The following SLIT2 variants were observed in gnomAD, a reference collection of about 807,000 sequenced individuals.
SLIT2 encodes the protein slit guidance ligand 2.
Under a neutral mutation model 185.7 loss-of-function variants are expected in SLIT2, and 41 were observed. That is an observed-to-expected ratio of 0.22 (90% CI 0.17 to 0.29). The LOEUF (loss-of-function observed/expected upper bound fraction) is 0.29. SLIT2 is among the 10% of genes least tolerant of loss of function. The pLI is 1.00. For synonymous variants in SLIT2, 693 were observed against 680.2 expected, an observed-to-expected ratio of 1.02 and a Z score of -0.29; for missense variants, 1,571 against 1,909.0, an observed-to-expected ratio of 0.82 and a Z score of 3.30.
At chr4:20,517,177 T>C (rs1720287896) in intron 11 of SLIT2, among the ~76,000 whole-genome samples, 1 of 152,186 alleles carries the variant, frequency 6.6e-6, no homozygotes, top group African/African-American at 2.4e-5. Flanking sequence ...TCTTTGACTA[T>C]TCAAAATTAC....
At chr4:20,540,081 C>A in intron 19 of SLIT2, among the ~76,000 whole-genome samples, 1 of 151,604 alleles carries the variant, frequency 6.6e-6, no homozygotes, top group Non-Finnish European at 1.5e-5. Context: ...GTCAGGCGTT[C>A]GAGACCAGCC....
chr4:20,458,535 C>A (rs1193287921), intron 4 of SLIT2, among the ~76,000 whole-genome samples: 1 of 152,122 alleles, frequency 6.6e-6, no homozygotes, highest in African/African-American at 2.4e-5. Flanking sequence ...TCTGGAGTGG[C>A]GCTCAGAAGT....
chr4:20,580,797 AAGCACGGGGAGCCTTGTCATGG>A (rs1726496641), intron 29 of SLIT2, among the ~76,000 whole-genome samples: 1 of 152,120 alleles, frequency 6.6e-6, no homozygotes, highest in Non-Finnish European at 1.5e-5. Context: ...GACTCTCTTG[AAGCACGGGGAGCCTTGTCATGG>A]AGCACTCCTT....
rs372434910 is a variant in SLIT2 at position 20,595,733 on chromosome 4, C to T, written c.3219C>T (p.Cys1073=). ...DCTPGYVGEH[C]DIDFDDCQDN... The stretch of plus-strand genomic sequence containing the variant: ...CACCAGGGTACGTAGGTGAACACTG[C>T]GACATCGATTTTGACGACTGCCAAG... The change falls in exon 31 of 37, where the codon TGC becomes TGT. Residue 1073 remains cysteine (C), a synonymous_variant. Transcript: ENST00000504154. 1.2e-4 allele frequency: 187 copies of T among 1,613,922 alleles called. No homozygotes were observed. Among genetic ancestry groups the T allele is most frequent in the Non-Finnish European group, 1.4e-4 (170 of 1,179,940 alleles).
At chr4:20,545,024 A>G (rs1723130541) in intron 21 of SLIT2, among the ~76,000 whole-genome samples, 1 of 152,150 alleles carries the variant, frequency 6.6e-6, no homozygotes, top group South Asian at 2.1e-4. Context: ...ATATTTTCTG[A>G]TAACTGGTGC....
intron 26 of SLIT2, among the ~76,000 whole-genome samples, chr4:20,564,568 A>G (rs955148239): frequency 1.3e-5 from 2 of 151,894 alleles, no homozygotes; most frequent in Non-Finnish European, 2.9e-5. Context: ...TGATTGTTGA[A>G]TAACTGGGTT....
intron 4 of SLIT2, among the ~76,000 whole-genome samples, chr4:20,274,966 T>C (rs1263666892): frequency 1.3e-5 from 2 of 152,154 alleles, no homozygotes; most frequent in Admixed American, 6.6e-5. Flanking sequence ...CGTGAATTAA[T>C]GCCTAGAGAG....
At chr4:20,423,882 A>C (rs888889811) in intron 4 of SLIT2, among the ~76,000 whole-genome samples, 1 of 152,110 alleles carries the variant, frequency 6.6e-6, no homozygotes, top group Non-Finnish European at 1.5e-5. Context: ...TTTGCATTAC[A>C]TGTGTTTCCT....
intron 4 of SLIT2, among the ~76,000 whole-genome samples, chr4:20,375,624 C>T (rs1029896347): frequency 6.6e-6 from 1 of 152,034 alleles, no homozygotes; most frequent in Non-Finnish European, 1.5e-5. Context: ...TTCATTTTCT[C>T]ATCATAAGTT....
chr4:20,494,627 A>C (rs1464643234), intron 9 of SLIT2, among the ~76,000 whole-genome samples: 1 of 151,938 alleles, frequency 6.6e-6, no homozygotes, highest in Non-Finnish European at 1.5e-5. Flanking sequence ...AATACAACAA[A>C]AATTAGCCGG....
chr4:20,280,281 C>G (rs550422333), intron 4 of SLIT2, among the ~76,000 whole-genome samples: 1 of 147,800 alleles, frequency 6.8e-6, no homozygotes, highest in East Asian at 2.0e-4. Context: ...TGCAGTGAGC[C>G]GAGACCGCAT....
rs1729087669 is a variant in SLIT2 at position 20,609,978 on chromosome 4, A to G, written c.3693-35A>G. 6 of 1,572,000 alleles carry G rather than the reference A, an allele frequency of 3.8e-6. No individual in the cohort carries two copies. In the South Asian group the frequency reaches 7.2e-5, roughly 19 times the overall value. ...AACTACCTTGCTTTAATGAAAAGAA[A>G]ATGGAAGAATCAGCCATTTTTTTTT... is the stretch of plus-strand genomic sequence containing the variant. On this transcript the variant is annotated intron_variant, in intron 33 of 36. Transcript: ENST00000504154.
intron 4 of SLIT2, among the ~76,000 whole-genome samples, chr4:20,461,342 C>A (rs1159716194): frequency 6.6e-6 from 1 of 152,130 alleles, no homozygotes; most frequent in Non-Finnish European, 1.5e-5. Context: ...TGAGAGTTTG[C>A]AGGTAACCCT....
At chr4:20,283,106 C>G (rs78886662) in intron 4 of SLIT2, among the ~76,000 whole-genome samples, 4,022 of 133,414 alleles carry the variant, frequency 0.03, 155 homozygotes, top group East Asian at 0.2. Flanking sequence ...GCCTGTGTGC[C>G]TGTGTGCGCG....
rs568224361 is a variant in SLIT2 at position 20,460,213 on chromosome 4, C to T, written c.396-7539C>T. On this transcript the variant is annotated intron_variant, in intron 4 of 36. Transcript: ENST00000504154. ...CTGCCTCCCTTGCGCAAACATTTGG[C>T]GATGGTGTACCACATGCCAGTAATT... Among the ~76,000 whole-genome samples the T allele has an allele frequency of 5.9e-5, 9 of 151,852 alleles. No individual in the cohort carries two copies. In the East Asian group the frequency reaches 7.8e-4, roughly 13 times the overall value.
chr4:20,430,241 C>G (rs1173653494), intron 4 of SLIT2, among the ~76,000 whole-genome samples: 1 of 152,160 alleles, frequency 6.6e-6, no homozygotes, highest in Non-Finnish European at 1.5e-5. Flanking sequence ...GTATATCTTA[C>G]AAGCTAGACC....
intron 4 of SLIT2, among the ~76,000 whole-genome samples, chr4:20,430,185 A>C (rs1031800124): frequency 6.6e-6 from 1 of 151,952 alleles, no homozygotes; most frequent in East Asian, 1.9e-4. Flanking sequence ...TGCTTTTCAC[A>C]TGTTCCGTGT....
chr4:20,408,880 A>G (rs1010313510), intron 4 of SLIT2, among the ~76,000 whole-genome samples: 3 of 152,180 alleles, frequency 2.0e-5, no homozygotes, highest in Non-Finnish European at 2.9e-5. Flanking sequence ...GTCCTAGACA[A>G]TATGTAAATG....
intron 29 of SLIT2, among the ~76,000 whole-genome samples, chr4:20,577,639 G>T (rs1406858382): frequency 6.6e-6 from 1 of 152,130 alleles, no homozygotes; most frequent in Non-Finnish European, 1.5e-5. Flanking sequence ...TTTTCTTTCA[G>T]GTCCAACTTA....
Sources: gnomAD v4.1 joint callset for allele counts (sites outside exome capture counted in the v4.1 genomes callset) on GRCh38, gnomAD v4.1.1 for gene constraint, MANE v1.5 for transcripts, NCBI Gene and HGNC (gene_info 2026-07-23, HGNC 2026-07-21) for gene names.